RBM6: variants seen among roughly 807,000 people sequenced by gnomAD.
The protein encoded by RBM6 is RNA binding motif protein 6, also known as RNA-binding protein 6.
A neutral mutation model predicts 140.4 loss-of-function variants in RBM6; 23 were observed. That is an observed-to-expected ratio of 0.16 (90% CI 0.12 to 0.23). The LOEUF (loss-of-function observed/expected upper bound fraction) is 0.23, where lower values mean the gene tolerates loss of function less well. RBM6 is among the 10% of genes least tolerant of loss of function. The pLI is 1.00. For missense variants in RBM6, 1,139 were observed against 1,386.7 expected (o/e 0.82, Z 2.84); for synonymous variants, 439 against 475.6 (o/e 0.92, Z 1.00).
At chr3:49,973,990 C>G (rs530822485) in intron 4 of RBM6, among the ~76,000 whole-genome samples, 1 of 151,652 alleles carries the variant, frequency 6.6e-6, no homozygotes, top group African/African-American at 2.4e-5. Context: ...CTCCGCCTCT[C>G]GGGTTCAAAT....
intron 1 of RBM6, among the ~76,000 whole-genome samples, chr3:49,961,241 C>G (rs1022154607): frequency 6.6e-6 from 1 of 152,060 alleles, no homozygotes; most frequent in Non-Finnish European, 1.5e-5. Context: ...CCACACCTGG[C>G]TAATTTTTGT....
intron 1 of RBM6, among the ~76,000 whole-genome samples, chr3:49,952,294 G>T (rs1030391230): frequency 4.6e-5 from 7 of 152,080 alleles, no homozygotes; most frequent in African/African-American, 1.4e-4. Context: ...CTCCCAAAGT[G>T]CTGGGATTAC....
intron 16 of RBM6, 35 bp downstream of exon 16, chr3:50,065,161 G>C (rs761776615): frequency 2.0e-6 from 3 of 1,536,146 alleles, no homozygotes; most frequent in Non-Finnish European, 1.8e-6. Flanking sequence ...ACCTAGGGCT[G>C]GGGCTGGGGA....
chr3:49,948,718 A>G (rs954342136), intron 1 of RBM6, among the ~76,000 whole-genome samples: 4 of 130,740 alleles, frequency 3.1e-5, no homozygotes, highest in East Asian at 4.1e-4. Flanking sequence ...CTCAAAAAAG[A>G]AAAAAAAAAA....
At chr3:50,048,209 G>A (rs765982594) in intron 6 of RBM6, 36 bp from the exon 7 acceptor site, 1 of 1,607,396 alleles carries the variant, frequency 6.2e-7, no homozygotes, top group African/African-American at 1.3e-5. Flanking sequence ...TTTCTCCAAG[G>A]GTTGATGTTG....
intron 6 of RBM6, among the ~76,000 whole-genome samples, chr3:50,015,437 T>A (rs71615486): frequency 0.73 from 96,107 of 131,128 alleles, 34,474 homozygotes; most frequent in Admixed American, 0.79. Flanking sequence ...TATTATTTTT[T>A]TTTTTTTTTT....
chr3:49,962,257 A>G (rs977687408), intron 1 of RBM6, among the ~76,000 whole-genome samples: 2 of 150,894 alleles, frequency 1.3e-5, no homozygotes, highest in African/African-American at 2.4e-5. Context: ...TCTAGACCAC[A>G]GTAAACCCCG....
rs199777172 is a variant in RBM6 at position 49,968,730 on chromosome 3, T to C, written c.1305T>C (p.Asp435=). The change falls in exon 3 of 21, where the codon GAT becomes GAC. Residue 435 remains aspartate, a synonymous_variant. Coordinates refer to ENST00000266022, the MANE Select transcript of RBM6 (RefSeq NM_005777.3). ...KSFPEGKTAR[D]AQRDLQDQDY... ...TTCCAGAGGGCAAAACTGCCCGAGA[T>C]GCCCAACGGGACCTTCAGGTATGTT... 725 of 1,592,568 alleles carry C rather than the reference T, an allele frequency of 4.6e-4. 1 individual carries two copies. Among genetic ancestry groups the C allele is most frequent in the Non-Finnish European group, 5.2e-4 (607 of 1,167,990 alleles).
At chr3:49,973,637 G>A (rs1411041199) in intron 4 of RBM6, among the ~76,000 whole-genome samples, 1 of 147,802 alleles carries the variant, frequency 6.8e-6, no homozygotes, top group Non-Finnish European at 1.5e-5. Context: ...CCAGGCTGGA[G>A]TGCAGTGGCG....
At chr3:49,957,974 G>A (rs1043643884) in intron 1 of RBM6, among the ~76,000 whole-genome samples, 4 of 152,048 alleles carry the variant, frequency 2.6e-5, no homozygotes, top group African/African-American at 9.7e-5. Context: ...TGGGACTGTA[G>A]TTGTACGCCA....
chr3:50,035,355 T>A (rs1302175000), intron 6 of RBM6, among the ~76,000 whole-genome samples: 2 of 152,056 alleles, frequency 1.3e-5, no homozygotes, highest in Non-Finnish European at 2.9e-5. Flanking sequence ...AAAACTGCCC[T>A]GGAAAAGCCA....
At chr3:49,978,839 T>A (rs1267288816) in intron 5 of RBM6, among the ~76,000 whole-genome samples, 1 of 152,206 alleles carries the variant, frequency 6.6e-6, no homozygotes, top group East Asian at 1.9e-4. Context: ...TTGTGTATAT[T>A]TGAATTTTTC....
Position 50,055,693 on chromosome 3 carries a change from T to C in RBM6, c.1693+1298T>C, listed in dbSNP as rs570773893. On this transcript the variant is annotated intron_variant, in intron 8 of 20. Transcript: ENST00000266022. ...AAGTTATTGGGAATCATTTGCTCTATTGTTTTCTCTTTTACATTCTGTAAG... is the reference window on the plus strand; with the variant it reads ...AAGTTATTGGGAATCATTTGCTCTACTGTTTTCTCTTTTACATTCTGTAAG... Among the ~76,000 whole-genome samples, 4 of 152,366 alleles carry C rather than the reference T, an allele frequency of 2.6e-5. No homozygotes were observed. The South Asian group carries it at 8.3e-4, about 32-fold the overall frequency.
chr3:49,944,971 G>T (rs1040881758), intron 1 of RBM6, among the ~76,000 whole-genome samples: 5 of 150,248 alleles, frequency 3.3e-5, no homozygotes, highest in Admixed American at 6.7e-5. Context: ...CCGCCTCCTG[G>T]GTTCTTGCCA....
intron 14 of RBM6, 174 bp from the exon 15 acceptor site, chr3:50,061,788 G>A (rs1404051591): frequency 8.1e-7 from 1 of 1,242,074 alleles, no homozygotes; most frequent in African/African-American, 1.5e-5. Flanking sequence ...GACAGTGGGT[G>A]GTCTGAATGT....
chr3:50,030,152 T>TAG (rs1248865537), intron 6 of RBM6, among the ~76,000 whole-genome samples: 1 of 151,516 alleles, frequency 6.6e-6, no homozygotes, highest in Non-Finnish European at 1.5e-5. Context: ...CACGTGCCTG[T>TAG]AGTCCCAGTG....
chr3:49,983,825 A>G (rs1423724569), intron 5 of RBM6, among the ~76,000 whole-genome samples: 1 of 152,110 alleles, frequency 6.6e-6, no homozygotes, highest in Non-Finnish European at 1.5e-5. Flanking sequence ...AGGAGACACT[A>G]ATAGGGCTGG....
intron 6 of RBM6, among the ~76,000 whole-genome samples, chr3:50,026,159 A>G (rs1394847395): frequency 6.6e-6 from 1 of 150,934 alleles, no homozygotes; most frequent in African/African-American, 2.4e-5. Context: ...ATCTCGGCTC[A>G]CTGCAGCCTC....
chr3:50,042,737 G>C (rs537636093), intron 6 of RBM6, among the ~76,000 whole-genome samples: 23 of 151,920 alleles, frequency 1.5e-4, no homozygotes, highest in African/African-American at 5.6e-4. Context: ...ACAGAAGCGA[G>C]ACCCTGTCTT....
Sources: gnomAD v4.1 joint callset for allele counts (sites outside exome capture counted in the v4.1 genomes callset) on GRCh38, gnomAD v4.1.1 for gene constraint, MANE v1.5 for transcripts, NCBI Gene and HGNC (gene_info 2026-07-23, HGNC 2026-07-21) for gene names.